Variants in LRP1B observed in about 807,000 individuals in gnomAD.
LRP1B encodes the protein LDL receptor related protein 1B, also known as low-density lipoprotein receptor-related protein 1B.
LRP1B carries 217 observed loss-of-function variants against 556.6 expected under a neutral mutation model. That is an observed-to-expected ratio of 0.39 (90% CI 0.35 to 0.44). LRP1B has a LOEUF of 0.44. Ranked by LOEUF, LRP1B falls within the 20% of genes least tolerant of loss-of-function variation. The pLI is 1.00. For missense variants in LRP1B, 5,053 were observed against 5,620.8 expected (o/e 0.90, Z 3.23); for synonymous variants, 2,047 against 1,865.8 (o/e 1.10, Z -2.50).
intron 3 of LRP1B, among the ~76,000 whole-genome samples, chr2:141,394,967 A>G (rs1383902503): frequency 6.6e-6 from 1 of 152,102 alleles, no homozygotes; most frequent in Non-Finnish European, 1.5e-5. Flanking sequence ...GTTCTTTCCA[A>G]CGTAATTAAG....
intron 82 of LRP1B, among the ~76,000 whole-genome samples, chr2:140,320,516 C>T (rs188593248): frequency 2.0e-5 from 3 of 152,070 alleles, no homozygotes; most frequent in African/African-American, 7.2e-5. Context: ...GGTAACAAAC[C>T]CTGCCATGAA....
chr2:140,899,938 A>G (rs1342577990), intron 23 of LRP1B, among the ~76,000 whole-genome samples: 2 of 152,212 alleles, frequency 1.3e-5, no homozygotes, highest in Admixed American at 6.5e-5. Context: ...TACTAATCAA[A>G]TTACCTATCA....
At chr2:141,844,477 C>T (rs1215513080) in intron 1 of LRP1B, among the ~76,000 whole-genome samples, 1 of 152,100 alleles carries the variant, frequency 6.6e-6, no homozygotes, top group Non-Finnish European at 1.5e-5. Flanking sequence ...ATGCTAGTGA[C>T]AGAGTGGCAG....
intron 2 of LRP1B, among the ~76,000 whole-genome samples, chr2:141,705,874 C>A (rs1461449345): frequency 6.6e-6 from 1 of 151,900 alleles, no homozygotes; most frequent in Non-Finnish European, 1.5e-5. Context: ...TTTTCTGTTC[C>A]TAAATAGTTA....
intron 7 of LRP1B, among the ~76,000 whole-genome samples, chr2:141,174,392 G>A (rs775104856): frequency 2.0e-5 from 3 of 152,164 alleles, no homozygotes; most frequent in Middle Eastern, 3.4e-3. Context: ...ACATGGAATT[G>A]CAATCCCTAC....
At chr2:140,508,565 A>G (rs1368936783) in intron 52 of LRP1B, among the ~76,000 whole-genome samples, 3 of 152,196 alleles carry the variant, frequency 2.0e-5, no homozygotes, top group Non-Finnish European at 2.9e-5. Flanking sequence ...GCCACATAGA[A>G]GTAGCATGAA....
intron 1 of LRP1B, among the ~76,000 whole-genome samples, chr2:142,115,489 AATTAT>A (rs1261095403): frequency 0.013 from 914 of 72,854 alleles, 112 homozygotes; most frequent in African/African-American, 0.014. Context: ...TATAATATAT[AATTAT>A]ATATAATATA....
intron 86 of LRP1B, among the ~76,000 whole-genome samples, chr2:140,252,677 C>A (rs1681496326): frequency 6.6e-6 from 1 of 151,874 alleles, no homozygotes; most frequent in Non-Finnish European, 1.5e-5. Flanking sequence ...CAAATAAATG[C>A]AATTTTTTTC....
intron 69 of LRP1B, 108 bp from the exon 70 acceptor site, chr2:140,371,393 G>C: frequency 2.0e-6 from 1 of 499,048 alleles, no homozygotes; most frequent in Non-Finnish European, 3.5e-6. Context: ...AATAAAAATA[G>C]TTTATACTAT....
At chr2:140,536,386 A>T (rs1282572691) in intron 46 of LRP1B, among the ~76,000 whole-genome samples, 195 bp downstream of exon 46, 1 of 150,442 alleles carries the variant, frequency 6.6e-6, no homozygotes, top group Non-Finnish European at 1.5e-5. Flanking sequence ...TATTTAGTGA[A>T]TATCATGGCT....
At chr2:141,131,938 C>T (rs551382790) in intron 7 of LRP1B, among the ~76,000 whole-genome samples, 2 of 151,704 alleles carry the variant, frequency 1.3e-5, no homozygotes, top group Admixed American at 6.6e-5. Flanking sequence ...ACCCATCACC[C>T]GAGCAGTATA....
At chr2:140,701,666 T>C in intron 40 of LRP1B, 55 bp downstream of exon 40, 2 of 1,521,636 alleles carry the variant, frequency 1.3e-6, no homozygotes, top group Non-Finnish European at 1.8e-6. Flanking sequence ...TTTTTAAAAA[T>C]TGGAGAGAAA....
At chr2:141,509,412 C>A (rs1350703093) in intron 2 of LRP1B, among the ~76,000 whole-genome samples, 2 of 152,114 alleles carry the variant, frequency 1.3e-5, no homozygotes, top group African/African-American at 4.8e-5. Flanking sequence ...AACACGGAAA[C>A]AATAGGGTGG....
At chr2:140,317,167 AAAG>A (rs956851584) in intron 82 of LRP1B, among the ~76,000 whole-genome samples, 2 of 152,122 alleles carry the variant, frequency 1.3e-5, no homozygotes, top group African/African-American at 4.8e-5. Context: ...GATTTTGAAG[AAAG>A]AAGCAGTAAG....
chr2:140,963,175 C>A (rs1328697308), intron 18 of LRP1B, among the ~76,000 whole-genome samples: 2 of 151,930 alleles, frequency 1.3e-5, no homozygotes, highest in Non-Finnish European at 2.9e-5. Context: ...AGGACTTCAA[C>A]TGAACACCTT....
intron 51 of LRP1B, among the ~76,000 whole-genome samples, chr2:140,512,156 C>A (rs997103531): frequency 3.3e-5 from 5 of 152,078 alleles, no homozygotes; most frequent in African/African-American, 9.7e-5. Context: ...TTCTGTATGA[C>A]CTTGATGAAG....
intron 3 of LRP1B, among the ~76,000 whole-genome samples, chr2:141,375,663 C>T (rs116788828): frequency 8.3e-4 from 127 of 152,244 alleles, no homozygotes; most frequent in African/African-American, 2.9e-3. Context: ...TCAAACTTAG[C>T]CTGAGGGAAG....
At chr2:141,658,935 G>A (rs755465353) in intron 2 of LRP1B, among the ~76,000 whole-genome samples, 1 of 152,044 alleles carries the variant, frequency 6.6e-6, no homozygotes, top group East Asian at 1.9e-4. Flanking sequence ...GCAGGGTCTC[G>A]CTCTGTTGCT....
chr2:141,886,210 G>A (rs1699104609), intron 1 of LRP1B, among the ~76,000 whole-genome samples: 1 of 152,140 alleles, frequency 6.6e-6, no homozygotes, highest in South Asian at 2.1e-4. Context: ...TGACAGGAAT[G>A]TAAAGGTTAA....
Sources: allele counts gnomAD v4.1 joint callset (sites outside exome capture counted in the v4.1 genomes callset), GRCh38; gene constraint gnomAD v4.1.1; transcripts MANE v1.5; gene names NCBI Gene and HGNC (gene_info 2026-07-23, HGNC 2026-07-21).